The following ROBO2 variants were observed in gnomAD, a reference collection of about 807,000 sequenced individuals.
ROBO2 encodes the protein roundabout guidance receptor 2.
Under a neutral mutation model 160.8 loss-of-function variants are expected in ROBO2, and 53 were observed. The ratio of observed to expected loss-of-function variants is 0.33; its 90% CI spans 0.26 to 0.41. ROBO2 has a LOEUF of 0.41. Ranked by LOEUF, ROBO2 falls within the 10% of genes least tolerant of loss-of-function variation. The pLI is 1.00. For missense variants in ROBO2, 1,577 were observed against 1,722.4 expected, an observed-to-expected ratio of 0.92 and a Z score of 1.49; for synonymous variants, 664 against 611.7, an observed-to-expected ratio of 1.09 and a Z score of -1.26.
intron 2 of ROBO2, among the ~76,000 whole-genome samples, chr3:76,559,455 G>A (rs9867416): frequency 0.37 from 56,975 of 151,948 alleles, 10,808 homozygotes; most frequent in Middle Eastern, 0.46. Flanking sequence ...TTGAAAATTC[G>A]TTTTAACCAA....
At chr3:77,433,309 G>A (rs1328529039) in intron 2 of ROBO2, among the ~76,000 whole-genome samples, 1 of 151,668 alleles carries the variant, frequency 6.6e-6, no homozygotes, top group Non-Finnish European at 1.5e-5. Context: ...AGCTAGGAGA[G>A]TTAACCATAA....
At chr3:77,562,709 G>T in exon 10 of ROBO2, 1 of 1,612,624 alleles carries the variant, frequency 6.2e-7, no homozygotes, top group South Asian at 1.1e-5. Flanking sequence ...GAGACTTCCT[G>T]GAGTGCAGTG....
chr3:76,256,357 T>TACAC (rs746860395), intron 2 of ROBO2, among the ~76,000 whole-genome samples: 43,169 of 106,766 alleles, frequency 0.4, 9,980 homozygotes, highest in Non-Finnish European at 0.52. Context: ...CTCTCTCACA[T>TACAC]ACACACACAC....
intron 2 of ROBO2, among the ~76,000 whole-genome samples, chr3:76,350,983 C>G (rs2074837122): frequency 6.6e-6 from 1 of 151,854 alleles, no homozygotes; most frequent in Admixed American, 6.6e-5. Context: ...ATTTTAATTT[C>G]AGTATTTTAT....
At chr3:76,257,993 T>G (rs1333812531) in intron 2 of ROBO2, among the ~76,000 whole-genome samples, 1 of 152,236 alleles carries the variant, frequency 6.6e-6, no homozygotes, top group Non-Finnish European at 1.5e-5. Flanking sequence ...CTTGAAAATT[T>G]TTTGGAAAGT....
intron 21 of ROBO2, among the ~76,000 whole-genome samples, chr3:77,613,560 G>C (rs947037116): frequency 6.6e-6 from 1 of 151,998 alleles, no homozygotes; most frequent in African/African-American, 2.4e-5. Context: ...CTCCTCTTAC[G>C]TATTTCTGTT....
At chr3:76,065,111 T>C (rs2068208435) in intron 2 of ROBO2, among the ~76,000 whole-genome samples, 3 of 152,084 alleles carry the variant, frequency 2.0e-5, no homozygotes, top group Admixed American at 1.3e-4. Context: ...ATAAAAATTA[T>C]TGTAAGAAAC....
At chr3:76,997,332 T>C (rs965929868) in intron 2 of ROBO2, among the ~76,000 whole-genome samples, 1 of 152,186 alleles carries the variant, frequency 6.6e-6, no homozygotes, top group African/African-American at 2.4e-5. Context: ...TACCTTACAA[T>C]GAATTTCTAT....
intron 2 of ROBO2, among the ~76,000 whole-genome samples, chr3:76,755,181 T>C (rs993880555): frequency 1.6e-4 from 24 of 151,928 alleles, no homozygotes; most frequent in African/African-American, 5.6e-4. Flanking sequence ...TTCTAATACA[T>C]ATTAAAATCT....
chr3:76,405,165 A>G (rs567950140), intron 2 of ROBO2, among the ~76,000 whole-genome samples: 1 of 151,702 alleles, frequency 6.6e-6, no homozygotes, highest in East Asian at 1.9e-4. Context: ...GGGGTGTCAA[A>G]TGAACACAGA....
intron 2 of ROBO2, among the ~76,000 whole-genome samples, chr3:76,122,959 G>A (rs1055123588): frequency 2.6e-5 from 4 of 151,994 alleles, no homozygotes; most frequent in Non-Finnish European, 4.4e-5. Flanking sequence ...GTGTTAGCCA[G>A]GTTGGTCTTG....
intron 1 of ROBO2, among the ~76,000 whole-genome samples, chr3:77,046,083 T>A (rs2064636114): frequency 1.3e-5 from 2 of 152,202 alleles, no homozygotes; most frequent in South Asian, 4.1e-4. Context: ...TACTAACTTT[T>A]GTGTGAACAT....
intron 2 of ROBO2, among the ~76,000 whole-genome samples, chr3:76,915,092 A>G (rs1283071199): frequency 2.6e-5 from 4 of 152,158 alleles, no homozygotes; most frequent in African/African-American, 9.6e-5. Flanking sequence ...TCTTTATAAC[A>G]TTTTCATAAC....
Position 77,502,665 on chromosome 3 carries a change from C to T in ROBO2, c.806+9283C>T, listed in dbSNP as rs139304218. ...GGATTTAACCAATTCTGATAAAAAA[C>T]ATTAAAAAGCAACAATAAAAATAAT... On this transcript the variant is annotated intron_variant, in intron 5 of 25. Transcript: ENST00000461745. 4.5e-3 allele frequency among the ~76,000 whole-genome samples: 691 copies of T among 152,138 alleles called. 3 individuals are homozygous for T. Among genetic ancestry groups the T allele is most frequent in the African/African-American group, 0.015 (617 of 41,512 alleles).
At chr3:76,968,493 G>C (rs1018259030) in intron 2 of ROBO2, among the ~76,000 whole-genome samples, 5 of 152,122 alleles carry the variant, frequency 3.3e-5, no homozygotes, top group African/African-American at 1.2e-4. Flanking sequence ...CAATAGTTAA[G>C]TTATTGTTTA....
chr3:76,249,203 C>T (rs1328266643), intron 2 of ROBO2, among the ~76,000 whole-genome samples: 1 of 152,006 alleles, frequency 6.6e-6, no homozygotes, highest in Non-Finnish European at 1.5e-5. Flanking sequence ...TGAGTTAAAA[C>T]TTAGTGTAGT....
intron 2 of ROBO2, among the ~76,000 whole-genome samples, chr3:76,126,676 C>T (rs2071002187): frequency 6.6e-6 from 1 of 152,022 alleles, no homozygotes; most frequent in South Asian, 2.1e-4. Context: ...AAATAGAATT[C>T]CTATATTCTA....
intron 2 of ROBO2, among the ~76,000 whole-genome samples, chr3:77,319,825 T>A (rs938029651): frequency 1.3e-5 from 2 of 152,192 alleles, no homozygotes; most frequent in Non-Finnish European, 2.9e-5. Flanking sequence ...GAAAATGCAC[T>A]TAGAAACTCT....
chr3:76,607,511 T>G (rs1206853604), intron 2 of ROBO2, among the ~76,000 whole-genome samples: 3 of 152,218 alleles, frequency 2.0e-5, no homozygotes, highest in African/African-American at 7.2e-5. Flanking sequence ...AGAGTTGTAC[T>G]AAAATAGTAA....
Sources: gnomAD v4.1 joint callset for allele counts (sites outside exome capture counted in the v4.1 genomes callset) on GRCh38, gnomAD v4.1.1 for gene constraint, MANE v1.5 for transcripts, NCBI Gene and HGNC (gene_info 2026-07-23, HGNC 2026-07-21) for gene names.